The following TTPAL variants were observed in gnomAD, a reference collection of about 807,000 sequenced individuals.
TTPAL encodes alpha-tocopherol transfer protein-like.
In TTPAL, 21 loss-of-function variants were observed where a neutral mutation model predicts 28.7. The ratio of observed to expected loss-of-function variants is 0.73; its 90% confidence interval spans 0.52 to 1.06. The LOEUF is 1.06. Among genes scored for constraint, TTPAL ranks in the 50% least tolerant of loss-of-function variants. TTPAL has a pLI of 0.00. For synonymous variants in TTPAL, 169 were observed against 171.9 expected (o/e 0.98, Z 0.13); for missense variants, 345 against 425.5 (o/e 0.81, Z 1.67).
At chr20:44,479,281 T>C (rs887489260) in intron 1 of TTPAL, among the ~76,000 whole-genome samples, 5 of 152,148 alleles carry the variant, frequency 3.3e-5, no homozygotes, top group African/African-American at 1.2e-4. Context: ...CCAAAGGGCA[T>C]GTAGGTTTAC....
At chr20:44,484,570 TG>T (rs2064135629) in intron 3 of TTPAL, 40 bp downstream of exon 3, 1 of 1,486,258 alleles carries the variant, frequency 6.7e-7, no homozygotes, top group African/African-American at 1.4e-5. Context: ...GTGGTGGCTC[TG>T]GCTTTCCCCA....
rs2064092399 is a variant in TTPAL at position 44,480,366 on chromosome 20, G to T, written c.367G>T (p.Asp123Tyr). The T allele has an allele frequency of 6.2e-7, 1 of 1,613,998 alleles. No homozygotes were observed. ...FNNLKPSALK[D>Y]VLASGFLTVL... Reference sequence around the variant, plus strand: ...TAACTTGAAGCCATCAGCCTTAAAAGATGTCCTTGCTTCCGGGTTCCTCAC... The same window carrying T: ...TAACTTGAAGCCATCAGCCTTAAAATATGTCCTTGCTTCCGGGTTCCTCAC... The change falls in exon 2 of 5, where the codon GAT (aspartate) becomes TAT (tyrosine). Residue 123 changes from aspartate (D) to tyrosine (Y), a missense_variant. Transcript: ENST00000262605. This position sits in a 1 kb window ranked among gnomAD's most constrained non-coding sequence, Gnocchi z 4.1.
chr20:44,479,976 T>C lies in TTPAL; in HGVS notation c.-15-9T>C. 6.2e-7 allele frequency: 1 copy of C among 1,605,716 alleles called. No individual in the cohort carries two copies. Among genetic ancestry groups the C allele is most frequent in the South Asian group, 1.1e-5 (1 of 90,034 alleles). ...TTGTTAACTTTGCTTAGGGCTTCTCTGTTGGCAGGGACCTTGGTAGCTAAT... is the reference window on the plus strand; with the variant it reads ...TTGTTAACTTTGCTTAGGGCTTCTCCGTTGGCAGGGACCTTGGTAGCTAAT... On this transcript the variant is annotated splice_polypyrimidine_tract_variant and intron_variant, in intron 1 of 4. Transcript: ENST00000262605.
At chr20:44,479,491 C>A (rs927104285) in intron 1 of TTPAL, among the ~76,000 whole-genome samples, 6 of 150,016 alleles carry the variant, frequency 4.0e-5, no homozygotes, top group Non-Finnish European at 8.9e-5. Context: ...CTCCACGTCC[C>A]GGGTTCAAGC....
Position 44,489,408 on chromosome 20 carries a change from A to AAG in TTPAL, c.899_900dup (p.Phe301SerfsTer22). On this transcript the variant is annotated frameshift_variant, in exon 5 of 5. Transcript: ENST00000262605. LOFTEE classifies it high-confidence loss of function. ...CTGGCTTCAGAAGACGATTTTGTGA[A>AAG]AGAGTTCTGCCAACCTGTTCCTGCC... 1 of 1,614,118 alleles carries AAG rather than the reference A, an allele frequency of 6.2e-7. No individual in the cohort carries two copies.
intron 1 of TTPAL, among the ~76,000 whole-genome samples, chr20:44,479,527 T>C (rs960854868): frequency 6.7e-6 from 1 of 150,280 alleles, no homozygotes; most frequent in African/African-American, 2.4e-5. Flanking sequence ...GTCTCCCAAG[T>C]AGCTGAGATT....
At position 44,491,839 on chromosome 20, in the gene TTPAL, A is replaced by G. The variant is rs1189014468; in HGVS notation, c.*2298A>G. 4 of 152,426 alleles carry G rather than the reference A, an allele frequency of 2.6e-5. No individual in the cohort carries two copies. Among genetic ancestry groups the G allele is most frequent in the African/African-American group, 9.6e-5 (4 of 41,454 alleles). The allele number at this position is 152,426 out of a possible 1,614,324, so 9.4% of individuals were successfully genotyped here. A position where few individuals can be genotyped will look rare whatever the true frequency, so the allele number is the denominator to read the frequency against. On this transcript the variant is annotated 3_prime_UTR_variant, in exon 5 of 5. Transcript: ENST00000262605. ...ACAAAACAAAACAAAAACTGGGTAA[A>G]GAGGAATGAATCACTCAGCCCTGAT... is the stretch of plus-strand genomic sequence containing the variant.
Position 44,493,499 on chromosome 20 carries a change from T to A in TTPAL, c.*3958T>A, listed in dbSNP as rs2064226877. On this transcript the variant is annotated 3_prime_UTR_variant, in exon 5 of 5. Transcript: ENST00000262605. ...ATTGCTGTGGCGATTATAATACTTT[T>A]AAAAAGTTTTACCATTTTAAAGTTG... The A allele has an allele frequency of 6.6e-6, 1 of 152,362 alleles. No homozygotes were observed. Among genetic ancestry groups the A allele is most frequent in the African/African-American group, 2.4e-5 (1 of 41,462 alleles). The allele number at this position is 152,362 out of a possible 1,614,324, so 9.4% of individuals were successfully genotyped here.
chr20:44,481,693 A>G (rs1418967471), intron 2 of TTPAL, among the ~76,000 whole-genome samples: 2 of 152,202 alleles, frequency 1.3e-5, no homozygotes, highest in Non-Finnish European at 2.9e-5. Flanking sequence ...GGACACCTCC[A>G]TGCACTTTCC....
In TTPAL at chr20:44,490,573, G is replaced by A. The variant is rs1256031830; in HGVS notation, c.*1032G>A. ...TCCAAGAGAGATGTGTCACCAATTA[G>A]CCCTGCCTTTAAAGAAACTATTATG... is the stretch of plus-strand genomic sequence containing the variant. On this transcript the variant is annotated 3_prime_UTR_variant, in exon 5 of 5. Coordinates refer to ENST00000262605, the MANE Select transcript of TTPAL (RefSeq NM_001039199.3). 2 of 152,272 alleles carry A rather than the reference G, an allele frequency of 1.3e-5. No individual in the cohort carries two copies. Among genetic ancestry groups the A allele is most frequent in the African/African-American group, 4.8e-5 (2 of 41,426 alleles). 9.4% of individuals were successfully genotyped at this position (152,272 alleles called of 1,614,324 possible).
At chr20:44,489,154 T>C in intron 4 of TTPAL, 109 bp from the exon 5 acceptor site, 1 of 1,273,494 alleles carries the variant, frequency 7.9e-7, no homozygotes, top group Non-Finnish European at 1.1e-6. Flanking sequence ...GCCATTAACA[T>C]TTCCTTTCTT....
intron 4 of TTPAL, 41 bp downstream of exon 4, chr20:44,486,747 C>T (rs1568772496): frequency 8.2e-7 from 1 of 1,225,082 alleles, no homozygotes; most frequent in Non-Finnish European, 1.2e-6. Context: ...TTCTTTTCCT[C>T]TGTTGATTTA....
rs2064093070 is a variant in TTPAL, at chr20:44,480,394, T to G, written c.395T>G (p.Val132Gly). Residue 132 changes from valine (V) to glycine (G), a missense_variant, in exon 2 of 5, where the codon GTG (valine) becomes GGG (glycine). Physicochemically the swap from Val to Gly is moderately radical, Grantham distance 109 (BLOSUM62 -3). Transcript: ENST00000262605. The surrounding 1 kb of genome is among the most constrained non-coding windows in gnomAD (Gnocchi z 4.1). ...KDVLASGFLTVLPHTDPRGCH... is the reference protein window; with the variant it reads ...KDVLASGFLTGLPHTDPRGCH... The stretch of plus-strand genomic sequence containing the variant: ...GTCCTTGCTTCCGGGTTCCTCACCG[T>G]GCTGCCCCACACTGACCCCAGGGGC... The G allele has an allele frequency of 6.2e-7, 1 of 1,613,626 alleles. No homozygotes were observed. The highest frequency in any genetic ancestry group is 1.1e-5 in the South Asian group (1 of 91,056).
At chr20:44,476,089 AC>A (rs199506106) in intron 1 of TTPAL, 98 bp downstream of exon 1, 6,093 of 151,962 alleles carry the variant, frequency 0.04, 133 homozygotes, top group African/African-American at 0.059. Flanking sequence ...GGAGCGAGAG[AC>A]CCCAGGAAAT....
Position 44,489,625 on chromosome 20 carries a change from C to A in TTPAL, c.*84C>A. The A allele has an allele frequency of 7.2e-7, 1 of 1,393,256 alleles. No homozygotes were observed. The highest frequency in any genetic ancestry group is 1.5e-5 in the South Asian group (1 of 68,834). The allele number at this position is 1,393,256 out of a possible 1,614,324, so 86.3% of individuals were successfully genotyped here. A position where few individuals can be genotyped will look rare whatever the true frequency, so the allele number is the denominator to read the frequency against. ...AGGAGAATTTAAGGGTCCATGGATT[C>A]AGTCTTGCTCCTTGTAATTAAACTG... On this transcript the variant is annotated 3_prime_UTR_variant, in exon 5 of 5. Coordinates refer to ENST00000262605, the MANE Select transcript of TTPAL (RefSeq NM_001039199.3).
In TTPAL at chr20:44,493,148, G is replaced by T. The variant is rs1035539989; in HGVS notation, c.*3607G>T. On this transcript the variant is annotated 3_prime_UTR_variant, in exon 5 of 5. Coordinates refer to ENST00000262605, the MANE Select transcript of TTPAL (RefSeq NM_001039199.3). ...AAATACAAAAAATTGGCTGGGCATG[G>T]TGGTGGGTGCCTGTAATCCCAGCTA... 3.3e-5 allele frequency: 5 copies of T among 152,172 alleles called. No individual in the cohort carries two copies. Among genetic ancestry groups the T allele is most frequent in the African/African-American group, 1.2e-4 (5 of 41,426 alleles). The allele number at this position is 152,172 out of a possible 1,614,324, so 9.4% of individuals were successfully genotyped here.
In TTPAL at chr20:44,489,564, TTTAA is replaced by T; in HGVS notation, c.*26_*29del. 6.3e-7 allele frequency: 1 copy of T among 1,599,300 alleles called. No homozygotes were observed. Among genetic ancestry groups the T allele is most frequent in the South Asian group, 1.1e-5 (1 of 89,698 alleles). On this transcript the variant is annotated 3_prime_UTR_variant, in exon 5 of 5. Coordinates refer to ENST00000262605, the MANE Select transcript of TTPAL (RefSeq NM_001039199.3). ...TAGCCCGTCCCCCAGGGTCACCATCTTTAATTCTTTTCCTTCTTTTCTTTGGAGA... is the reference window on the plus strand; with the variant it reads ...TAGCCCGTCCCCCAGGGTCACCATCTTTCTTTTCCTTCTTTTCTTTGGAGA...
Position 44,489,361 on chromosome 20 carries a change from T to C in TTPAL, c.849T>C (p.Thr283=). 1 of 1,614,214 alleles carries C rather than the reference T, an allele frequency of 6.2e-7. No homozygotes were observed. Among genetic ancestry groups the C allele is most frequent in the Non-Finnish European group, 8.5e-7 (1 of 1,180,044 alleles). ...GGGGCACGGCTGGGGAGCTGGACAC[T>C]GCCACCTGGAACGCGGTACTGCTGG... The part of the protein sequence containing the change: ...EYGGTAGELD[T]ATWNAVLLAS... Residue 283 remains threonine (T), a synonymous_variant, in exon 5 of 5, where the codon ACT becomes ACC. Transcript: ENST00000262605.
At chr20:44,486,878 T>C (rs972031864) in intron 4 of TTPAL, among the ~76,000 whole-genome samples, 172 bp downstream of exon 4, 1 of 152,150 alleles carries the variant, frequency 6.6e-6, no homozygotes. Context: ...GAAGAGTAAA[T>C]GAACAAGAAT....
Sources: allele counts gnomAD v4.1 joint callset (sites outside exome capture counted in the v4.1 genomes callset), GRCh38; gene constraint gnomAD v4.1.1; non-coding constraint Gnocchi (gnomAD v3.1); transcripts MANE v1.5; gene names NCBI Gene and HGNC (gene_info 2026-07-23, HGNC 2026-07-21).